Variants in ADARB2 observed in about 807,000 individuals in gnomAD.
ADARB2 encodes inactive double-stranded RNA-specific editase B2.
In ADARB2, 25 loss-of-function variants were observed where a neutral mutation model predicts 62.2. That is an observed-to-expected ratio of 0.40 (90% confidence interval 0.29 to 0.56). The LOEUF (loss-of-function observed/expected upper bound fraction) is 0.56. ADARB2 is among the 20% of genes least tolerant of loss of function. ADARB2 has a pLI of 0.43. For synonymous variants in ADARB2, 572 were observed against 500.8 expected, an observed-to-expected ratio of 1.14 and a Z score of -1.90; for missense variants, 1,071 against 1,077.4, an observed-to-expected ratio of 0.99 and a Z score of 0.08.
chr10:1,653,567 C>CAGACG (rs879291442), intron 1 of ADARB2, among the ~76,000 whole-genome samples: 14,711 of 136,566 alleles, frequency 0.11, 1,575 homozygotes, highest in African/African-American at 0.25. Context: ...CAGTCTCCAC[C>CAGACG]CCACGCCTCA....
At chr10:1,515,312 G>C (rs1831994667) in intron 1 of ADARB2, among the ~76,000 whole-genome samples, 2 of 152,200 alleles carry the variant, frequency 1.3e-5, no homozygotes, top group Admixed American at 1.3e-4. Flanking sequence ...GGTGCCCGTT[G>C]GCTGGTGCAC....
chr10:1,183,346 A>C lies in ADARB2; in HGVS notation c.2067T>G (p.Pro689=), dbSNP rs1589144497. The C allele has an allele frequency of 6.2e-7, 1 of 1,613,946 alleles. No homozygotes were observed. The highest frequency in any genetic ancestry group is 8.5e-7 in the Non-Finnish European group (1 of 1,179,836). The change falls in exon 10 of 10, where the codon CCT becomes CCG. Residue 689 remains proline (P), a synonymous_variant. Transcript: ENST00000381312. Reference sequence around the variant, plus strand: ...CACAGTACATGGAGGGCGTGTCTCCAGGGCTGGGTGTCCGTGTGCTCAGCT... The same window carrying C: ...CACAGTACATGGAGGGCGTGTCTCCCGGGCTGGGTGTCCGTGTGCTCAGCT... ...YGRLSTRTPS[P]GDTPSMYCEA... is the part of the protein sequence containing the mutation.
intron 1 of ADARB2, among the ~76,000 whole-genome samples, chr10:1,630,859 G>C (rs1833833410): frequency 6.6e-6 from 1 of 152,090 alleles, no homozygotes; most frequent in Non-Finnish European, 1.5e-5. Flanking sequence ...GGAGGCTGAG[G>C]CAGGGGAATC....
chr10:1,623,018 C>T (rs377528573), intron 1 of ADARB2, among the ~76,000 whole-genome samples: 53 of 152,184 alleles, frequency 3.5e-4, no homozygotes, highest in African/African-American at 1.1e-3. Context: ...TACGGACACG[C>T]GCCCCAACAC....
At chr10:1,650,436 T>G (rs1044705220) in intron 1 of ADARB2, among the ~76,000 whole-genome samples, 1 of 151,732 alleles carries the variant, frequency 6.6e-6, no homozygotes, top group Non-Finnish European at 1.5e-5. Flanking sequence ...CTGAAGGGGG[T>G]GGAGAATGGA....
Position 1,308,228 on chromosome 10 carries a change from C to G in ADARB2, c.1078-37159G>C, listed in dbSNP as rs909307596. 2.6e-5 allele frequency among the ~76,000 whole-genome samples: 4 copies of G among 152,282 alleles called. No homozygotes were observed. In the East Asian group the frequency reaches 7.7e-4, roughly 29 times the overall value. On this transcript the variant is annotated intron_variant, in intron 3 of 9. Transcript: ENST00000381312. ...CTGATCATTCCACTGTCTCCATGGTCTTGCCTTTTCCAGAATGTCCTGTAG... is the reference window on the plus strand; with the variant it reads ...CTGATCATTCCACTGTCTCCATGGTGTTGCCTTTTCCAGAATGTCCTGTAG...
At chr10:1,295,549 C>G (rs533932808) in intron 3 of ADARB2, among the ~76,000 whole-genome samples, 1 of 151,926 alleles carries the variant, frequency 6.6e-6, no homozygotes, top group African/African-American at 2.4e-5. Flanking sequence ...GAGTGCCGCT[C>G]TCTCTGGTGG....
chr10:1,659,919 C>T (rs1360516376), intron 1 of ADARB2, among the ~76,000 whole-genome samples: 2 of 148,246 alleles, frequency 1.3e-5, no homozygotes, highest in Admixed American at 6.7e-5. Flanking sequence ...CTGTCTCCAC[C>T]CTCTTCCTCC....
chr10:1,306,538 T>C (rs1831631383), intron 3 of ADARB2, among the ~76,000 whole-genome samples: 1 of 151,758 alleles, frequency 6.6e-6, no homozygotes, highest in South Asian at 2.1e-4. Flanking sequence ...ATGCCTGTCT[T>C]CACAGAATTG....
intron 3 of ADARB2, among the ~76,000 whole-genome samples, chr10:1,305,813 C>T (rs1379175750): frequency 6.6e-6 from 1 of 152,282 alleles, no homozygotes; most frequent in East Asian, 1.9e-4. Flanking sequence ...ACATGATTAT[C>T]TCAATAGATG....
chr10:1,419,680 G>A (rs1303426982), intron 1 of ADARB2, among the ~76,000 whole-genome samples: 17 of 152,184 alleles, frequency 1.1e-4, no homozygotes, highest in Admixed American at 1.0e-3. Context: ...AGCAGTTCTT[G>A]TTATATAACA....
chr10:1,677,782 C>T (rs61834217), intron 1 of ADARB2, among the ~76,000 whole-genome samples: 16,507 of 152,220 alleles, frequency 0.11, 961 homozygotes, highest in East Asian at 0.22. Context: ...CACACACAGG[C>T]TGAACTCGGC....
At chr10:1,338,103 G>A (rs1831991034) in intron 3 of ADARB2, among the ~76,000 whole-genome samples, 1 of 152,246 alleles carries the variant, frequency 6.6e-6, no homozygotes, top group African/African-American at 2.4e-5. Context: ...ACTGAAGCTA[G>A]TCCATGTGGA....
At chr10:1,568,220 G>A (rs778514571) in intron 1 of ADARB2, among the ~76,000 whole-genome samples, 7 of 152,202 alleles carry the variant, frequency 4.6e-5, no homozygotes, top group African/African-American at 7.2e-5. Context: ...CCAGGCCTCC[G>A]CTGTCCTGAC....
chr10:1,233,482 C>A (rs1205625912), intron 6 of ADARB2, among the ~76,000 whole-genome samples: 2 of 152,142 alleles, frequency 1.3e-5, no homozygotes, highest in Non-Finnish European at 2.9e-5. Flanking sequence ...AATTTTAGGC[C>A]TCAGACTACT....
chr10:1,611,521 T>TG (rs1239143637), intron 1 of ADARB2, among the ~76,000 whole-genome samples: 1 of 151,804 alleles, frequency 6.6e-6, no homozygotes, highest in Non-Finnish European at 1.5e-5. Flanking sequence ...GCTGGGGAGG[T>TG]GGGGGGTCTC....
rs115309520 is a variant in ADARB2, at chr10:1,664,083, C to T, written c.100+72968G>A. Reference sequence around the variant, plus strand: ...CAGTTTCTGTGTGCCTGTGTTTTCACGCCTGTGGGTCAGTGTGCGGGTTTG... The same window carrying T: ...CAGTTTCTGTGTGCCTGTGTTTTCATGCCTGTGGGTCAGTGTGCGGGTTTG... On this transcript the variant is annotated intron_variant, in intron 1 of 9. Transcript: ENST00000381312. Among the ~76,000 whole-genome samples, 589 of 151,978 alleles carry T rather than the reference C, an allele frequency of 3.9e-3. 8 individuals are homozygous for T. In the Middle Eastern group the frequency reaches 0.048, roughly 12 times the overall value.
chr10:1,221,744 A>C (rs549202848), intron 6 of ADARB2, among the ~76,000 whole-genome samples: 1 of 152,254 alleles, frequency 6.6e-6, no homozygotes, highest in African/African-American at 2.4e-5. Context: ...AAAGGACATG[A>C]ACTCATCTTT....
intron 1 of ADARB2, among the ~76,000 whole-genome samples, chr10:1,696,815 C>T (rs1834752066): frequency 6.6e-6 from 1 of 152,214 alleles, no homozygotes; most frequent in African/African-American, 2.4e-5. Context: ...CTTGGCACTT[C>T]TGACCCTGTA....
Sources: allele counts gnomAD v4.1 joint callset (sites outside exome capture counted in the v4.1 genomes callset), GRCh38; gene constraint gnomAD v4.1.1; transcripts MANE v1.5; gene names NCBI Gene and HGNC (gene_info 2026-07-23, HGNC 2026-07-21).